Variants in CCSER1 observed in about 807,000 individuals in gnomAD.
CCSER1 encodes coiled-coil serine rich protein 1.
In CCSER1, 41 loss-of-function variants were observed where a neutral mutation model predicts 82.0. The observed-to-expected ratio is 0.50, with a 90% CI of 0.39 to 0.65. The LOEUF (loss-of-function observed/expected upper bound fraction) is 0.65, where lower values mean the gene tolerates loss of function less well. CCSER1 is among the 30% of genes least tolerant of loss of function. The pLI, the probability that CCSER1 is intolerant of heterozygous loss-of-function variation, is 0.00. For missense variants in CCSER1, 1,119 were observed against 1,064.2 expected, an observed-to-expected ratio of 1.05 and a Z score of -0.72; for synonymous variants, 414 against 383.9, an observed-to-expected ratio of 1.08 and a Z score of -0.92.
At chr4:90,705,024 G>T (rs1228497099) in intron 6 of CCSER1, among the ~76,000 whole-genome samples, 1 of 152,222 alleles carries the variant, frequency 6.6e-6, no homozygotes, top group South Asian at 2.1e-4. Flanking sequence ...GAGGAGCTGT[G>T]TTCCTTTGGA....
intron 10 of CCSER1, among the ~76,000 whole-genome samples, chr4:91,405,568 T>C (rs1378828049): frequency 6.6e-6 from 1 of 152,208 alleles, no homozygotes; most frequent in Admixed American, 6.5e-5. Flanking sequence ...TACTGAAGCC[T>C]CAGCAATGGC....
rs139971978 is a variant in CCSER1 at position 91,103,138 on chromosome 4, G to A, written c.2217+17144G>A. 5.5e-3 allele frequency among the ~76,000 whole-genome samples: 843 copies of A among 152,206 alleles called. 12 individuals carry two copies. The highest frequency in any genetic ancestry group is 0.019 in the African/African-American group (807 of 41,508). ...ACTTTGCTGCCCTTCTCTCAGCTTG[G>A]AAATAGATCTCCAAATTTCTTCCCA... is the stretch of plus-strand genomic sequence containing the variant. On this transcript the variant is annotated intron_variant, in intron 10 of 10. Transcript: ENST00000509176.
At chr4:90,527,298 G>A (rs1450808767) in intron 5 of CCSER1, among the ~76,000 whole-genome samples, 5 of 152,056 alleles carry the variant, frequency 3.3e-5, no homozygotes, top group African/African-American at 4.8e-5. Flanking sequence ...ATGAACAGAC[G>A]CTTCTCAAAA....
At chr4:90,563,011 G>A (rs10014009) in intron 5 of CCSER1, among the ~76,000 whole-genome samples, 13,532 of 151,894 alleles carry the variant, frequency 0.089, 1,734 homozygotes, top group African/African-American at 0.28. Flanking sequence ...ATGCCCTTCT[G>A]AATTTCTGTG....
chr4:91,298,138 C>T (rs183584866), intron 10 of CCSER1, among the ~76,000 whole-genome samples: 195 of 152,006 alleles, frequency 1.3e-3, no homozygotes, highest in African/African-American at 4.1e-3. Context: ...TTATGAGATA[C>T]AGTAAAGGGG....
intron 10 of CCSER1, among the ~76,000 whole-genome samples, chr4:91,442,561 G>C (rs1755249188): frequency 7.3e-6 from 1 of 136,206 alleles, no homozygotes; most frequent in African/African-American, 2.7e-5. Context: ...CATAGGCATG[G>C]GCAAGGACTT....
At chr4:91,133,663 A>G (rs1728200145) in intron 10 of CCSER1, among the ~76,000 whole-genome samples, 1 of 152,198 alleles carries the variant, frequency 6.6e-6, no homozygotes, top group Non-Finnish European at 1.5e-5. Flanking sequence ...AAGAAGCAAT[A>G]TCATCCCAGA....
chr4:90,597,254 C>G (rs956184178), intron 5 of CCSER1, among the ~76,000 whole-genome samples: 2 of 151,956 alleles, frequency 1.3e-5, no homozygotes, highest in African/African-American at 4.8e-5. Context: ...AATACTTATT[C>G]TGCTTAATTC....
chr4:90,834,183 AG>A (rs1761496400), intron 8 of CCSER1, among the ~76,000 whole-genome samples: 1 of 152,242 alleles, frequency 6.6e-6, no homozygotes, highest in Non-Finnish European at 1.5e-5. Context: ...TCCAGCAATC[AG>A]CCCTCATGGA....
chr4:91,299,744 A>G (rs904038496), intron 10 of CCSER1, among the ~76,000 whole-genome samples: 4 of 151,916 alleles, frequency 2.6e-5, no homozygotes, highest in African/African-American at 9.7e-5. Context: ...TAAAAGTCAC[A>G]ATAAAAAATT....
chr4:91,225,848 G>T (rs1212191290), intron 10 of CCSER1, among the ~76,000 whole-genome samples: 5 of 151,920 alleles, frequency 3.3e-5, no homozygotes, highest in Non-Finnish European at 7.4e-5. Context: ...GAATGGGTTA[G>T]GAGCAGAGGT....
intron 10 of CCSER1, among the ~76,000 whole-genome samples, chr4:91,278,967 C>T (rs1216823288): frequency 6.6e-6 from 1 of 152,074 alleles, no homozygotes; most frequent in Non-Finnish European, 1.5e-5. Flanking sequence ...GTTATGAATT[C>T]CCTCAGCTTT....
chr4:90,813,322 G>C (rs750671270), intron 7 of CCSER1, among the ~76,000 whole-genome samples: 2 of 152,220 alleles, frequency 1.3e-5, no homozygotes, highest in Non-Finnish European at 2.9e-5. Flanking sequence ...ATTTGACTCT[G>C]TGTCTTACAT....
intron 3 of CCSER1, among the ~76,000 whole-genome samples, chr4:90,382,532 G>A (rs1749362725): frequency 6.6e-6 from 1 of 151,964 alleles, no homozygotes; most frequent in Admixed American, 6.6e-5. Context: ...GGATGAGGTA[G>A]CAATGATTTT....
chr4:90,904,625 A>G (rs1725173083), intron 8 of CCSER1, among the ~76,000 whole-genome samples: 1 of 152,042 alleles, frequency 6.6e-6, no homozygotes, highest in Non-Finnish European at 1.5e-5. Flanking sequence ...GAGGAAGGTA[A>G]AGTTCCCGGG....
intron 10 of CCSER1, among the ~76,000 whole-genome samples, chr4:91,088,020 CACTT>C (rs1182956737): frequency 2.6e-5 from 4 of 152,034 alleles, no homozygotes; most frequent in Non-Finnish European, 5.9e-5. Flanking sequence ...CTTGTGATCT[CACTT>C]GCTTAAGAAA....
chr4:90,855,901 T>C (rs2149958088), intron 8 of CCSER1, among the ~76,000 whole-genome samples: 1 of 152,274 alleles, frequency 6.6e-6, no homozygotes, highest in South Asian at 2.1e-4. Flanking sequence ...TACATGTGAA[T>C]GACACTCATT....
intron 7 of CCSER1, among the ~76,000 whole-genome samples, chr4:90,776,135 TA>T (rs1430357091): frequency 6.6e-6 from 1 of 152,146 alleles, no homozygotes; most frequent in Admixed American, 6.5e-5. Context: ...GATACAACAG[TA>T]AAACAATTGT....
At chr4:91,130,904 G>T (rs549445547) in intron 10 of CCSER1, among the ~76,000 whole-genome samples, 7 of 151,454 alleles carry the variant, frequency 4.6e-5, no homozygotes, top group African/African-American at 7.3e-5. Flanking sequence ...ATTTGTATAT[G>T]TATTTTTTCC....
Sources: gnomAD v4.1 joint callset for allele counts (sites outside exome capture counted in the v4.1 genomes callset) on GRCh38, gnomAD v4.1.1 for gene constraint, MANE v1.5 for transcripts, NCBI Gene and HGNC (gene_info 2026-07-23, HGNC 2026-07-21) for gene names.